MGAT4C: variants seen among roughly 807,000 people sequenced by gnomAD.
MGAT4C encodes the protein MGAT4 family member C.
MGAT4C carries 19 observed loss-of-function variants against 40.1 expected under a neutral mutation model. That is an observed-to-expected ratio of 0.47 (90% CI 0.33 to 0.70). The LOEUF (loss-of-function observed/expected upper bound fraction) is 0.70. MGAT4C is among the 30% of genes least tolerant of loss of function. The pLI, the probability that MGAT4C is intolerant of heterozygous loss-of-function variation, is 0.02. For synonymous variants in MGAT4C, 181 were observed against 187.1 expected, an observed-to-expected ratio of 0.97 and a Z score of 0.27; for missense variants, 491 against 563.2, an observed-to-expected ratio of 0.87 and a Z score of 1.30.
chr12:86,529,597 C>A (rs1958943283), intron 2 of MGAT4C, among the ~76,000 whole-genome samples: 1 of 151,976 alleles, frequency 6.6e-6, no homozygotes, highest in Non-Finnish European at 1.5e-5. Flanking sequence ...TGTTATAAGT[C>A]CCATCATTGA....
At chr12:86,070,365 CT>C (rs56304635) in intron 1 of MGAT4C, among the ~76,000 whole-genome samples, 3 of 151,742 alleles carry the variant, frequency 2.0e-5, no homozygotes, top group Admixed American at 6.6e-5. Flanking sequence ...AAACAGTAAT[CT>C]TTTTTTTCCT....
rs117636839 is a variant in MGAT4C, at chr12:86,759,599, T to G, written c.-261-32358A>C. 8.1e-3 allele frequency among the ~76,000 whole-genome samples: 1,239 copies of G among 152,196 alleles called. 11 individuals are homozygous for G. Among genetic ancestry groups the G allele is most frequent in the Non-Finnish European group, 0.014 (973 of 67,958 alleles). On this transcript the variant is annotated intron_variant, in intron 1 of 7. Coordinates refer to the MGAT4C transcript ENST00000548651. ...ATTATTACTGGAGTAAGGTTATATC[T>G]CATTTTAATTTGATTTGCATTCCCC...
chr12:85,985,297 C>T (rs543015865), intron 3 of MGAT4C, among the ~76,000 whole-genome samples: 5 of 152,114 alleles, frequency 3.3e-5, no homozygotes, highest in African/African-American at 4.8e-5. Flanking sequence ...GCATCAATCT[C>T]GAGTGACAAT....
chr12:86,822,403 T>A (rs1952721142), intron 1 of MGAT4C, among the ~76,000 whole-genome samples: 1 of 150,834 alleles, frequency 6.6e-6, no homozygotes, highest in Non-Finnish European at 1.5e-5. Flanking sequence ...ACATACAGAG[T>A]GACCAAATGA....
intron 1 of MGAT4C, among the ~76,000 whole-genome samples, chr12:86,165,421 A>C (rs564192955): frequency 6.6e-6 from 1 of 152,232 alleles, no homozygotes; most frequent in African/African-American, 2.4e-5. Flanking sequence ...TTAACACATT[A>C]TCCTACAGTA....
At chr12:86,534,594 G>A (rs969223318) in intron 2 of MGAT4C, among the ~76,000 whole-genome samples, 3 of 152,202 alleles carry the variant, frequency 2.0e-5, no homozygotes, top group South Asian at 2.1e-4. Flanking sequence ...TATTTATGAA[G>A]TAGATTTTTG....
At chr12:86,592,335 C>T (rs918565395) in intron 2 of MGAT4C, among the ~76,000 whole-genome samples, 1 of 152,130 alleles carries the variant, frequency 6.6e-6, no homozygotes. Flanking sequence ...ATTTTGAACA[C>T]GTCATTTGGC....
chr12:85,998,028 C>G (rs768698442), intron 2 of MGAT4C, among the ~76,000 whole-genome samples: 1 of 152,250 alleles, frequency 6.6e-6, no homozygotes, highest in African/African-American at 2.4e-5. Flanking sequence ...TCTGGATATC[C>G]AGGTGTTTCC....
intron 3 of MGAT4C, among the ~76,000 whole-genome samples, chr12:86,370,089 G>T (rs1955686863): frequency 6.6e-6 from 1 of 151,800 alleles, no homozygotes; most frequent in African/African-American, 2.4e-5. Context: ...GAGGTGAATT[G>T]GGAAATCAAC....
chr12:86,481,406 T>C (rs561861173), intron 2 of MGAT4C, among the ~76,000 whole-genome samples: 1 of 152,206 alleles, frequency 6.6e-6, no homozygotes, highest in East Asian at 1.9e-4. Context: ...CACAACCTTC[T>C]GGAGTTTAGT....
chr12:86,028,941 A>G (rs1890487822), intron 2 of MGAT4C, among the ~76,000 whole-genome samples: 1 of 151,958 alleles, frequency 6.6e-6, no homozygotes. Context: ...TTGTTTTATC[A>G]AACTGGAGTA....
At chr12:86,230,703 GA>G (rs1423795996) in intron 1 of MGAT4C, among the ~76,000 whole-genome samples, 1 of 152,040 alleles carries the variant, frequency 6.6e-6, no homozygotes, top group East Asian at 1.9e-4. Context: ...GTTTATATGG[GA>G]AAGGAAAAAC....
At chr12:86,611,560 A>G (rs1962282604) in intron 2 of MGAT4C, among the ~76,000 whole-genome samples, 1 of 152,106 alleles carries the variant, frequency 6.6e-6, no homozygotes, top group South Asian at 2.1e-4. Flanking sequence ...ATAACTGAAC[A>G]ACTCCTCTGC....
chr12:86,589,644 A>G (rs1961236775), intron 2 of MGAT4C, among the ~76,000 whole-genome samples: 1 of 152,076 alleles, frequency 6.6e-6, no homozygotes, highest in Non-Finnish European at 1.5e-5. Context: ...CATTGACGCA[A>G]AAAATCCTCA....
At chr12:86,146,756 CATT>C (rs1206259919) in intron 1 of MGAT4C, among the ~76,000 whole-genome samples, 4 of 151,914 alleles carry the variant, frequency 2.6e-5, no homozygotes, top group Middle Eastern at 3.2e-3. Context: ...AGTTTACCAT[CATT>C]GAGATTCAAA....
At chr12:86,121,421 A>G (rs2135682026) in intron 1 of MGAT4C, among the ~76,000 whole-genome samples, 1 of 152,274 alleles carries the variant, frequency 6.6e-6, no homozygotes, top group Admixed American at 6.5e-5. Context: ...CCTCGAGACA[A>G]GCAACTCCAA....
chr12:86,580,872 T>C (rs1565862961), intron 2 of MGAT4C, among the ~76,000 whole-genome samples: 3 of 151,470 alleles, frequency 2.0e-5, no homozygotes, highest in Non-Finnish European at 4.4e-5. Context: ...GTAATATTTA[T>C]AATTATATTG....
intron 2 of MGAT4C, among the ~76,000 whole-genome samples, chr12:86,444,494 T>C (rs1329486836): frequency 6.6e-6 from 1 of 152,188 alleles, no homozygotes; most frequent in Admixed American, 6.5e-5. Flanking sequence ...GCTTTAAATA[T>C]GATTCTCCAT....
At chr12:86,808,767 T>C (rs1302177317) in intron 1 of MGAT4C, among the ~76,000 whole-genome samples, 2 of 151,944 alleles carry the variant, frequency 1.3e-5, no homozygotes, top group Non-Finnish European at 2.9e-5. Context: ...GCATTGGAAG[T>C]TTTGTCCAGC....
Sources: gnomAD v4.1 joint callset for allele counts (sites outside exome capture counted in the v4.1 genomes callset) on GRCh38, gnomAD v4.1.1 for gene constraint, MANE v1.5 for transcripts, NCBI Gene and HGNC (gene_info 2026-07-23, HGNC 2026-07-21) for gene names.